The following TENM4 variants were observed in gnomAD, a reference collection of about 807,000 sequenced individuals.
The protein encoded by TENM4 is teneurin transmembrane protein 4.
TENM4 carries 82 observed loss-of-function variants against 243.3 expected under a neutral mutation model. That is an observed-to-expected ratio of 0.34 (90% CI 0.28 to 0.40). TENM4 has a LOEUF of 0.40. Among genes scored for constraint, TENM4 ranks in the 10% least tolerant of loss-of-function variants. The pLI is 1.00. For missense variants in TENM4, 3,138 were observed against 3,673.3 expected (o/e 0.85, Z 3.77); for synonymous variants, 1,412 against 1,456.3 (o/e 0.97, Z 0.69).
intron 4 of TENM4, among the ~76,000 whole-genome samples, chr11:79,143,666 T>TA (rs1862338763): frequency 6.6e-6 from 1 of 151,276 alleles, no homozygotes; most frequent in Non-Finnish European, 1.5e-5. Context: ...TCCTAGAACT[T>TA]AAAGTATAAT....
chr11:78,919,899 G>T (rs748939073), intron 6 of TENM4, among the ~76,000 whole-genome samples: 1 of 152,070 alleles, frequency 6.6e-6, no homozygotes, highest in Non-Finnish European at 1.5e-5. Flanking sequence ...GAAACACCGC[G>T]TCACTCTTCA....
rs1365457794 is a variant in TENM4, at chr11:78,812,199, G to T, written c.1901C>A (p.Ala634Asp). 6.4e-7 allele frequency: 1 copy of T among 1,551,760 alleles called. No homozygotes were observed. Among genetic ancestry groups the T allele is most frequent in the East Asian group, 2.4e-5 (1 of 40,932 alleles). Reference protein sequence around the residue: ...DVPTNQCIDVACSNHGTCITG... With the variant: ...DVPTNQCIDVDCSNHGTCITG... ...GATGCAGGTGCCATGGTTGCTGCAG[G>T]CCACATCGATACACTGGTTGGTGGG... The change falls in exon 14 of 34, where the codon GCC becomes GAC. Residue 634 changes from alanine (A) to aspartate (D), a missense_variant. By Grantham distance (126) the Ala-to-Asp change is moderately radical. Around this residue, in one of 2 missense-constraint regions of TENM4, gnomAD observed 2,467 missense variants for 3,059.1 expected, o/e 0.81. Transcript: ENST00000278550.
chr11:79,286,160 T>C (rs1356582585), intron 2 of TENM4, among the ~76,000 whole-genome samples: 1 of 152,172 alleles, frequency 6.6e-6, no homozygotes, highest in Non-Finnish European at 1.5e-5. Flanking sequence ...TGTATTTCTG[T>C]TTTCTTTTAT....
At chr11:79,213,996 T>A (rs1245898940) in intron 3 of TENM4, among the ~76,000 whole-genome samples, 1 of 74,890 alleles carries the variant, frequency 1.3e-5, no homozygotes, top group African/African-American at 5.8e-5. Context: ...AAAAAATAAA[T>A]TTTTTTTTTT....
At chr11:78,769,122 TCTC>T (rs779634016) in intron 18 of TENM4, among the ~76,000 whole-genome samples, 9 of 152,346 alleles carry the variant, frequency 5.9e-5, no homozygotes, top group Non-Finnish European at 1.3e-4. Context: ...TGGTGGCTCT[TCTC>T]TTCTTTTCTT....
At chr11:78,706,821 C>G (rs1257451702) in intron 27 of TENM4, among the ~76,000 whole-genome samples, 5 of 152,040 alleles carry the variant, frequency 3.3e-5, no homozygotes, top group Non-Finnish European at 7.3e-5. Context: ...TATGCACATC[C>G]TTAGGCCATG....
rs569999337 is a variant in TENM4 at position 79,367,961 on chromosome 11, T to C, written c.-320-70418A>G. Among the ~76,000 whole-genome samples, 11 of 152,306 alleles carry C rather than the reference T, an allele frequency of 7.2e-5. No individual in the cohort carries two copies. In the East Asian group the frequency reaches 2.1e-3, roughly 29 times the overall value. ...TAATAAGTGATAATCACTTGCTACA[T>C]CTAAATCTGACTAAAGCAGGTGGAG... On this transcript the variant is annotated intron_variant, in intron 1 of 33. Coordinates refer to ENST00000278550, the MANE Select transcript of TENM4 (RefSeq NM_001098816.3).
At chr11:78,690,173 T>G (rs1182337516) in intron 28 of TENM4, among the ~76,000 whole-genome samples, 2 of 151,890 alleles carry the variant, frequency 1.3e-5, no homozygotes, top group African/African-American at 4.8e-5. Context: ...GTCAAAGGGG[T>G]GGACTGCCTC....
At chr11:79,124,893 A>ATGTGTG (rs71050209) in intron 4 of TENM4, among the ~76,000 whole-genome samples, 24,635 of 111,134 alleles carry the variant, frequency 0.22, 2,278 homozygotes, top group Non-Finnish European at 0.26. Context: ...GTATATGTAT[A>ATGTGTG]TGTGTGTGTG....
chr11:79,116,106 T>C (rs1049003851), intron 4 of TENM4, among the ~76,000 whole-genome samples: 1 of 152,214 alleles, frequency 6.6e-6, no homozygotes, highest in Non-Finnish European at 1.5e-5. Flanking sequence ...AATATATTAA[T>C]TGACACTGAG....
Position 79,087,194 on chromosome 11 carries a change from T to G in TENM4, c.-65-17185A>C, listed in dbSNP as rs184768972. Among the ~76,000 whole-genome samples the G allele has an allele frequency of 5.1e-4, 78 of 152,344 alleles. No homozygotes were observed. The Middle Eastern group carries it at 0.014, about 27-fold the overall frequency. On this transcript the variant is annotated intron_variant, in intron 4 of 33. Transcript: ENST00000278550. ...CTGAAGCTTAGAGAGGCAAAGTGCC[T>G]TGTTTCCAAGTCACACAGCTAGCAA...
chr11:78,956,143 CT>C (rs908609215), intron 6 of TENM4, among the ~76,000 whole-genome samples: 1 of 151,554 alleles, frequency 6.6e-6, no homozygotes, highest in Non-Finnish European at 1.5e-5. Flanking sequence ...GAAATCAGCA[CT>C]TTTTTTTTCA....
At chr11:78,929,914 C>G (rs182645762) in intron 6 of TENM4, among the ~76,000 whole-genome samples, 3 of 152,306 alleles carry the variant, frequency 2.0e-5, no homozygotes, top group African/African-American at 7.2e-5. Context: ...CTGGACAGAA[C>G]AGAACCCGTT....
At chr11:79,381,300 A>C (rs1857996876) in intron 1 of TENM4, among the ~76,000 whole-genome samples, 1 of 150,702 alleles carries the variant, frequency 6.6e-6, no homozygotes, top group Non-Finnish European at 1.5e-5. Context: ...ATAGCCAATG[A>C]TGCAATTATG....
intron 1 of TENM4, among the ~76,000 whole-genome samples, chr11:79,422,967 G>C (rs1218920325): frequency 6.6e-6 from 1 of 152,158 alleles, no homozygotes; most frequent in Non-Finnish European, 1.5e-5. Flanking sequence ...TTGAATCAGA[G>C]GGAATTCTTT....
In TENM4 at chr11:78,835,503, TCAAA is replaced by T. The variant is rs370149036; in HGVS notation, c.1681+18597_1681+18600del. Among the ~76,000 whole-genome samples the T allele has an allele frequency of 6.8e-3, 1,038 of 152,226 alleles. 8 individuals carry two copies. Among genetic ancestry groups the T allele is most frequent in the African/African-American group, 0.022 (930 of 41,534 alleles). Reference sequence around the variant, plus strand: ...CCTGGTGACAGAGCAAGACTCTGTCTCAAACAAACAAACAAACAAAAATCAAACA... The same window carrying T: ...CCTGGTGACAGAGCAAGACTCTGTCTCAAACAAACAAACAAAAATCAAACA... On this transcript the variant is annotated intron_variant, in intron 12 of 33. Coordinates refer to ENST00000278550, the MANE Select transcript of TENM4 (RefSeq NM_001098816.3).
intron 15 of TENM4, among the ~76,000 whole-genome samples, chr11:78,791,001 G>A (rs1054007208): frequency 2.0e-5 from 3 of 152,196 alleles, no homozygotes; most frequent in African/African-American, 7.2e-5. Flanking sequence ...GTGGCCTGGT[G>A]ACTGGGCACT....
chr11:78,721,317 C>T lies in TENM4; in HGVS notation c.3801-927G>A, dbSNP rs574925306. On this transcript the variant is annotated intron_variant, in intron 24 of 33. Coordinates refer to ENST00000278550, the MANE Select transcript of TENM4 (RefSeq NM_001098816.3). Reference sequence around the variant, plus strand: ...GATATCTGATTTCCTATGAACCTACCGCGTGTGTGCTTGTCTGGCCCTGTG... The same window carrying T: ...GATATCTGATTTCCTATGAACCTACTGCGTGTGTGCTTGTCTGGCCCTGTG... Among the ~76,000 whole-genome samples the T allele has an allele frequency of 7.9e-5, 12 of 152,318 alleles. No homozygotes were observed. The South Asian group carries it at 2.1e-3, about 26-fold the overall frequency.
chr11:78,897,752 C>T (rs759850660), intron 7 of TENM4, among the ~76,000 whole-genome samples: 69 of 152,232 alleles, frequency 4.5e-4, no homozygotes, highest in Non-Finnish European at 8.5e-4. Context: ...CAATTCTCTG[C>T]AACGCTCTGG....
Sources: allele counts gnomAD v4.1 joint callset (sites outside exome capture counted in the v4.1 genomes callset), GRCh38; gene constraint gnomAD v4.1.1; regional missense constraint gnomAD v4.1.1; transcripts MANE v1.5; gene names NCBI Gene and HGNC (gene_info 2026-07-23, HGNC 2026-07-21).